Variants in ALG13 observed in about 807,000 individuals in gnomAD.
The protein encoded by ALG13 is ALG13 UDP-N-acetylglucosaminyltransferase subunit, also known as UDP-N-acetylglucosamine transferase subunit ALG13.
Under a neutral mutation model 87.8 loss-of-function variants are expected in ALG13, and 11 were observed. The observed-to-expected ratio is 0.13, with a 90% CI of 0.08 to 0.21. The LOEUF (loss-of-function observed/expected upper bound fraction) is 0.21. ALG13 is among the 10% of genes least tolerant of loss of function. ALG13 has a pLI of 1.00. For missense variants in ALG13, 756 were observed against 866.1 expected, an observed-to-expected ratio of 0.87 and a Z score of 1.60; for synonymous variants, 320 against 306.3, an observed-to-expected ratio of 1.04 and a Z score of -0.47.
At chrX:111,755,546 T>C (rs550596136) in intron 25 of ALG13, among the ~76,000 whole-genome samples, 108 of 112,620 alleles carry the variant, frequency 9.6e-4, no homozygotes, top group Non-Finnish European at 1.8e-3. Context: ...GACAAAGGGC[T>C]AATATCCAGA....
At chrX:111,730,279 A>T in intron 19 of ALG13, 116 bp from the exon 20 acceptor site, 1 of 580,227 alleles carries the variant, frequency 1.7e-6, no homozygotes, top group Non-Finnish European at 2.8e-6. Flanking sequence ...TATGCATTTT[A>T]GTTTTGAACA....
chrX:111,681,407 C>T lies in ALG13; in HGVS notation c.81+108C>T, dbSNP rs776511444. On this transcript the variant is annotated intron_variant, in intron 1 of 26. Coordinates refer to ENST00000394780, the MANE Select transcript of ALG13 (RefSeq NM_001099922.3). ...TGACCGTCGCGCTCGGAAAGAAACC[C>T]CCGCAACTCTACCACAGGTGCCGCT... 1.5e-5 allele frequency: 17 copies of T among 1,169,145 alleles called. No homozygotes were observed. In the East Asian group the frequency reaches 3.6e-4, roughly 25 times the overall value.
chrX:111,700,379 A>G (rs1198457476), intron 3 of ALG13, among the ~76,000 whole-genome samples: 1 of 110,212 alleles, frequency 9.1e-6, no homozygotes, highest in Non-Finnish European at 1.9e-5. Flanking sequence ...CTCTTGCCTA[A>G]TTGCTCTGGC....
At chrX:111,706,174 C>T (rs958098025) in intron 3 of ALG13, among the ~76,000 whole-genome samples, 16 of 110,216 alleles carry the variant, frequency 1.5e-4, no homozygotes, top group Admixed American at 9.6e-4. Context: ...GGACTACAGG[C>T]GCCCACCACC....
At position 111,759,888 on chromosome X, in the gene ALG13, T is replaced by C. The variant is rs1410858589; in HGVS notation, c.3303T>C (p.Val1101=). 2 of 1,208,827 alleles carry C rather than the reference T, an allele frequency of 1.7e-6. No individual in the cohort carries two copies. ...DYSCVPPWHP[V]GTAYGGSSQI... ...CCTGTGTTCCCCCCTGGCATCCAGTTGGTACAGCATATGGTGGTTCTTCTC... is the reference window on the plus strand; with the variant it reads ...CCTGTGTTCCCCCCTGGCATCCAGTCGGTACAGCATATGGTGGTTCTTCTC... Residue 1101 remains valine, a synonymous_variant, in exon 27 of 27, where the codon GTT becomes GTC. Transcript: ENST00000394780.
intron 3 of ALG13, 131 bp downstream of exon 3, chrX:111,685,234 T>C (rs1934633785): frequency 1.4e-6 from 1 of 737,731 alleles, no homozygotes; most frequent in African/African-American, 2.1e-5. Flanking sequence ...TTTGATTTTC[T>C]CAGCTGTAAA....
Position 111,760,283 on chromosome X carries a change from A to G in ALG13, c.*284A>G. On this transcript the variant is annotated 3_prime_UTR_variant, in exon 27 of 27. Transcript: ENST00000394780. ...GTCAGCCATTTGTCAGCTTTATATTAGCTGATGGTACCAATTGATAAAATG... is the reference window on the plus strand; with the variant it reads ...GTCAGCCATTTGTCAGCTTTATATTGGCTGATGGTACCAATTGATAAAATG... 1 of 278,699 alleles carries G rather than the reference A, an allele frequency of 3.6e-6. No individual in the cohort carries two copies. Among genetic ancestry groups the G allele is most frequent in the Non-Finnish European group, 6.3e-6 (1 of 159,563 alleles). The allele number at this position is 278,699 out of a possible 1,213,427, so 23.0% of individuals were successfully genotyped here. A position where few individuals can be genotyped will look rare whatever the true frequency, so the allele number is the denominator to read the frequency against.
chrX:111,708,153 TAAGC>T lies in ALG13; in HGVS notation c.515_518del (p.Gln172ProfsTer45). On this transcript the variant is annotated frameshift_variant, in exon 4 of 27. Transcript: ENST00000394780. LOFTEE classifies it high-confidence loss of function. Reference sequence around the variant, plus strand: ...TTGGGCTGCTTTCCGGATACCTGCATAAGCAAGCCCTTGTTACTGCTACCCATCC... The same window carrying T: ...TTGGGCTGCTTTCCGGATACCTGCATAAGCCCTTGTTACTGCTACCCATCC... 1 of 1,211,837 alleles carries T rather than the reference TAAGC, an allele frequency of 8.3e-7. No homozygotes were observed. Among genetic ancestry groups the T allele is most frequent in the Non-Finnish European group, 1.1e-6 (1 of 895,491 alleles).
chrX:111,759,027 A>G (rs979004302), intron 26 of ALG13, among the ~76,000 whole-genome samples: 7 of 110,127 alleles, frequency 6.4e-5, no homozygotes, highest in Admixed American at 9.7e-5. Flanking sequence ...TACAGTGTCA[A>G]TCTTTTTTTT....
intron 24 of ALG13, among the ~76,000 whole-genome samples, chrX:111,746,839 G>A (rs753597212): frequency 5.4e-5 from 6 of 111,701 alleles, no homozygotes; most frequent in Admixed American, 9.5e-5. Flanking sequence ...GCTCACCAAC[G>A]TTTATTGTCG....
intron 2 of ALG13, among the ~76,000 whole-genome samples, chrX:111,682,909 G>T (rs1933849430): frequency 8.9e-6 from 1 of 111,839 alleles, no homozygotes; most frequent in Admixed American, 9.5e-5. Context: ...CGCCCTGATG[G>T]TCTAGTTAAT....
rs766318648 is a variant in ALG13, at chrX:111,708,395, TA to T, written c.750+6del. 4.2e-6 allele frequency: 5 copies of T among 1,203,829 alleles called. No homozygotes were observed. The highest frequency in any genetic ancestry group is 4.5e-6 in the Non-Finnish European group (4 of 892,183). ...CTCTTTCGGGCCATTTCGGAGCAGG[TA>T]AAAGGAAAACATATCTTCCCTGTAC... On this transcript the variant is annotated splice_donor_region_variant and intron_variant, in intron 4 of 26. Coordinates refer to ENST00000394780, the MANE Select transcript of ALG13 (RefSeq NM_001099922.3).
At chrX:111,743,768 AATG>A (rs1301609255) in intron 23 of ALG13, 2 of 111,808 alleles carry the variant, frequency 1.8e-5, no homozygotes, top group Non-Finnish European at 3.8e-5. Context: ...ACATTTATAG[AATG>A]ATAAGACTAA....
In ALG13 at chrX:111,712,521, T is replaced by C. The variant is rs187825159; in HGVS notation, c.923T>C (p.Leu308Pro). The C allele has an allele frequency of 8.6e-7, 1 of 1,166,839 alleles. No individual in the cohort carries two copies. The highest frequency in any genetic ancestry group is 3.0e-5 in the East Asian group (1 of 33,358). Residue 308 changes from leucine to proline, a missense_variant, in exon 7 of 27, where the codon CTA (leucine) becomes CCA (proline). Leu to Pro is a moderately conservative substitution (Grantham distance 98). Transcript: ENST00000394780. ...CAGCTGGAAATAAGAGCTCTTTCTC[T>C]AATTTATAAGTAAGTTATATCCTCT... is the stretch of plus-strand genomic sequence containing the variant. ...AGQLEIRALSLIYNRDFILYR... is the reference protein window; with the variant it reads ...AGQLEIRALSPIYNRDFILYR...
At chrX:111,716,793 A>AT (rs985698777) in intron 8 of ALG13, among the ~76,000 whole-genome samples, 8 of 110,902 alleles carry the variant, frequency 7.2e-5, no homozygotes, top group Admixed American at 2.9e-4. Context: ...GCTTAGGATA[A>AT]TTTTTTTTTC....
intron 23 of ALG13, among the ~76,000 whole-genome samples, chrX:111,740,307 G>A (rs1446090789): frequency 2.7e-5 from 3 of 111,080 alleles, no homozygotes; most frequent in African/African-American, 6.5e-5. Flanking sequence ...ATTTTATCCC[G>A]TGTCCTTGTG....
chrX:111,709,619 C>T (rs1172559470), intron 5 of ALG13, among the ~76,000 whole-genome samples: 1 of 110,719 alleles, frequency 9.0e-6, no homozygotes, highest in Non-Finnish European at 1.9e-5. Context: ...AAACAACTTA[C>T]AGAAGACATA....
At chrX:111,707,994 TAGG>T in intron 3 of ALG13, 30 bp from the exon 4 acceptor site, 1 of 1,178,393 alleles carries the variant, frequency 8.5e-7, no homozygotes, top group Non-Finnish European at 1.1e-6. Context: ...TCCCTATTCC[TAGG>T]AGGATTGGCT....
intron 24 of ALG13, among the ~76,000 whole-genome samples, chrX:111,751,830 A>G (rs1944780310): frequency 1.8e-5 from 2 of 112,060 alleles, no homozygotes; most frequent in African/African-American, 6.5e-5. Flanking sequence ...ATATTACTTT[A>G]TAAATAAAAA....
Sources: gnomAD v4.1 joint callset for allele counts (sites outside exome capture counted in the v4.1 genomes callset) on GRCh38, gnomAD v4.1.1 for gene constraint, MANE v1.5 for transcripts, NCBI Gene and HGNC (gene_info 2026-07-23, HGNC 2026-07-21) for gene names.